Variants in ANGPTL3 observed in about 807,000 individuals in gnomAD.
The protein encoded by ANGPTL3 is angiopoietin like 3.
ANGPTL3 carries 51 observed loss-of-function variants against 52.7 expected under a neutral mutation model. That is an observed-to-expected ratio of 0.97 (90% confidence interval 0.77 to 1.22). The LOEUF is 1.22. Among genes scored for constraint, ANGPTL3 ranks in the 50% most tolerant of loss-of-function variants. ANGPTL3 has a pLI of 0.00. For missense variants in ANGPTL3, 506 were observed against 520.7 expected (o/e 0.97, Z 0.27); for synonymous variants, 185 against 179.8 (o/e 1.03, Z -0.23).
chr1:62,601,911 T>C (rs751008551), intron 4 of ANGPTL3, 29 bp downstream of exon 4: 104 of 1,419,692 alleles, frequency 7.3e-5, no homozygotes, highest in Non-Finnish European at 9.6e-5. Flanking sequence ...GAATAGACAG[T>C]AGTTAGTTCA....
chr1:62,598,113 T>C (rs558636010), intron 1 of ANGPTL3, 52 bp downstream of exon 1: 297 of 1,470,800 alleles, frequency 2.0e-4, no homozygotes, highest in Non-Finnish European at 2.6e-4. Flanking sequence ...GTGGATCTTT[T>C]AAAAAAAATA....
chr1:62,599,880 T>C (rs1450259551), intron 2 of ANGPTL3, among the ~76,000 whole-genome samples: 2 of 151,982 alleles, frequency 1.3e-5, no homozygotes, highest in Non-Finnish European at 2.9e-5. Context: ...TATTCTAATA[T>C]GCAGTACAAT....
intron 5 of ANGPTL3, 104 bp downstream of exon 5, chr1:62,602,484 G>A: frequency 1.1e-6 from 1 of 945,258 alleles, no homozygotes; most frequent in Non-Finnish European, 1.7e-6. Flanking sequence ...CGAACGAGAA[G>A]CAGTCTCAGC....
At position 62,604,239 on chromosome 1, in the gene ANGPTL3, T is replaced by C; in HGVS notation, c.1198+4T>C. 1 of 1,612,964 alleles carries C rather than the reference T, an allele frequency of 6.2e-7. No homozygotes were observed. The highest frequency in any genetic ancestry group is 1.1e-5 in the South Asian group (1 of 91,036). ...AACTGTCCAGAGGGTTATTCAGGTA[T>C]CTTTTTCTGATACCAATACTTTATT... On this transcript the variant is annotated splice_donor_region_variant and intron_variant, in intron 6 of 6. Transcript: ENST00000371129.
In ANGPTL3 at chr1:62,602,300, T is replaced by C. The variant is rs1380835664; in HGVS notation, c.851T>C (p.Leu284Ser). 6 of 1,609,704 alleles carry C rather than the reference T, an allele frequency of 3.7e-6. No individual in the cohort carries two copies. Among genetic ancestry groups the C allele is most frequent in the Non-Finnish European group, 4.2e-6 (5 of 1,176,896 alleles). The change falls in exon 5 of 7, where the codon TTA becomes TCA. Residue 284 changes from leucine (L) to serine (S), a missense_variant. Coordinates refer to ENST00000371129, the MANE Select transcript of ANGPTL3 (RefSeq NM_014495.4). ...TTATATTCAGGTAGTCCATGGACAT[T>C]AATTCAACATCGAATAGATGGATCA... ...CDVISGSPWT[L>S]IQHRIDGSQN...
In ANGPTL3 at chr1:62,598,741, A is replaced by G. The variant is rs1571708442; in HGVS notation, c.541A>G (p.Thr181Ala). 1 of 1,611,602 alleles carries G rather than the reference A, an allele frequency of 6.2e-7. No individual in the cohort carries two copies. Among genetic ancestry groups the G allele is most frequent in the South Asian group, 1.1e-5 (1 of 91,024 alleles). Residue 181 changes from threonine (T) to alanine (A), a missense_variant, in exon 2 of 7, where the codon ACC (threonine) becomes GCC (alanine). Coordinates refer to ENST00000371129, the MANE Select transcript of ANGPTL3 (RefSeq NM_014495.4). ...TAATAGCATCAAAGACCTTCTCCAGACCGTGGAAGACCAATATAAACAATT... is the reference window on the plus strand; with the variant it reads ...TAATAGCATCAAAGACCTTCTCCAGGCCGTGGAAGACCAATATAAACAATT... ...QDNSIKDLLQ[T>A]VEDQYKQLNQ...
Position 62,598,752 on chromosome 1 carries a change from C to T in ANGPTL3, c.552C>T (p.Asp184=), listed in dbSNP as rs756791560. The change falls in exon 2 of 7, where the codon GAC becomes GAT. Residue 184 remains aspartate, a synonymous_variant. Transcript: ENST00000371129. ...SIKDLLQTVE[D]QYKQLNQQHS... ...AAGACCTTCTCCAGACCGTGGAAGACCAATATAAACAATTAAACCAACAGC... is the reference window on the plus strand; with the variant it reads ...AAGACCTTCTCCAGACCGTGGAAGATCAATATAAACAATTAAACCAACAGC... 5.6e-6 allele frequency: 9 copies of T among 1,611,092 alleles called. No homozygotes were observed. The South Asian group carries it at 7.7e-5, about 14-fold the overall frequency.
chr1:62,605,741 T>G lies in ANGPTL3; in HGVS notation c.*924T>G, dbSNP rs771277525. On this transcript the variant is annotated 3_prime_UTR_variant, in exon 7 of 7. Transcript: ENST00000371129. ...GAACGTTTAAACAGCCTGACAAGCATGTATATATGTTTAAAATTCAATAAA... is the reference window on the plus strand; with the variant it reads ...GAACGTTTAAACAGCCTGACAAGCAGGTATATATGTTTAAAATTCAATAAA... 6.6e-6 allele frequency: 1 copy of G among 152,366 alleles called. No individual in the cohort carries two copies. The highest frequency in any genetic ancestry group is 1.5e-5 in the Non-Finnish European group (1 of 67,902). 9.4% of individuals were successfully genotyped at this position (152,366 alleles called of 1,614,324 possible).
Position 62,606,160 on chromosome 1 carries a change from T to C in ANGPTL3, c.*1343T>C, listed in dbSNP as rs989287290. ...TAATAAAGGTAAAAATAATCTATAA[T>C]TTTCAGGACCACAGACTAAGCTGTC... On this transcript the variant is annotated 3_prime_UTR_variant, in exon 7 of 7. Transcript: ENST00000371129. 1 of 152,038 alleles carries C rather than the reference T, an allele frequency of 6.6e-6. No individual in the cohort carries two copies. Among genetic ancestry groups the C allele is most frequent in the African/African-American group, 2.4e-5 (1 of 41,432 alleles). The allele number at this position is 152,038 out of a possible 1,614,324, so 9.4% of individuals were successfully genotyped here.
intron 1 of ANGPTL3, 59 bp downstream of exon 1, chr1:62,598,120 A>T (rs961952858): frequency 1.2e-5 from 18 of 1,460,334 alleles, no homozygotes; most frequent in East Asian, 2.4e-5. Flanking sequence ...TTTTAAAAAA[A>T]ATATTTCTAA....
At chr1:62,599,958 CAG>C (rs1381110119) in intron 2 of ANGPTL3, among the ~76,000 whole-genome samples, 5 of 151,890 alleles carry the variant, frequency 3.3e-5, no homozygotes, top group African/African-American at 9.7e-5. Flanking sequence ...AATATAAACT[CAG>C]AGAAACTGGT....
intron 5 of ANGPTL3, among the ~76,000 whole-genome samples, chr1:62,603,322 TATAA>T (rs1650432099): frequency 6.6e-6 from 1 of 151,810 alleles, no homozygotes; most frequent in South Asian, 2.1e-4. Context: ...AACAGTATTT[TATAA>T]ATACTTTAAT....
At chr1:62,602,466 A>T in intron 5 of ANGPTL3, 86 bp downstream of exon 5, 1 of 1,184,408 alleles carries the variant, frequency 8.4e-7, no homozygotes. Context: ...TATTAGGAAA[A>T]GTAGTAACGA....
rs745780261 is a variant in ANGPTL3 at position 62,605,003 on chromosome 1, T to G, written c.*186T>G. The G allele has an allele frequency of 3.6e-4, 219 of 600,072 alleles. No individual in the cohort carries two copies. The highest frequency in any genetic ancestry group is 4.9e-4 in the Non-Finnish European group (172 of 352,386). 37.2% of individuals were successfully genotyped at this position (600,072 alleles called of 1,614,324 possible). ...CCTTAAAGAATACCGTTTACATTTC[T>G]CAATCAAAATTCTTATAATACTATT... On this transcript the variant is annotated 3_prime_UTR_variant, in exon 7 of 7. Transcript: ENST00000371129.
rs1356877257 is a variant in ANGPTL3, at chr1:62,597,751, A to G, written c.185A>G (p.His62Arg). ...GGACATGGTCTTAAAGACTTTGTCC[A>G]TAAGACGAAGGGCCAAATTAATGAC... Reference protein sequence around the residue: ...QLGHGLKDFVHKTKGQINDIF... With the variant: ...QLGHGLKDFVRKTKGQINDIF... Residue 62 changes from histidine to arginine, a missense_variant, in exon 1 of 7, where the codon CAT becomes CGT. Physicochemically the swap from His to Arg is conservative, Grantham distance 29. Transcript: ENST00000371129. 8 of 1,613,598 alleles carry G rather than the reference A, an allele frequency of 5.0e-6. No homozygotes were observed. The highest frequency in any genetic ancestry group is 4.5e-5 in the East Asian group (2 of 44,834).
In ANGPTL3 at chr1:62,604,195, C is replaced by T. The variant is rs1259552648; in HGVS notation, c.1158C>T (p.His386=). ...ATTTGGTGTTTTCTACTTGGGATCACAAAGCAAAAGGACACTTCAACTGTC... is the reference window on the plus strand; with the variant it reads ...ATTTGGTGTTTTCTACTTGGGATCATAAAGCAAAAGGACACTTCAACTGTC... ...NKDLVFSTWD[H]KAKGHFNCPE... Residue 386 remains histidine (H), a synonymous_variant, in exon 6 of 7, where the codon CAC becomes CAT. Transcript: ENST00000371129. The T allele has an allele frequency of 6.2e-7, 1 of 1,613,154 alleles. No individual in the cohort carries two copies. The highest frequency in any genetic ancestry group is 1.7e-5 in the Admixed American group (1 of 59,918).
At chr1:62,601,699 T>A in intron 3 of ANGPTL3, 70 bp from the exon 4 acceptor site, 2 of 1,106,790 alleles carry the variant, frequency 1.8e-6, no homozygotes, top group Non-Finnish European at 1.4e-6. Context: ...AAATGTCAAG[T>A]GAAATCTCAA....
intron 5 of ANGPTL3, 77 bp downstream of exon 5, chr1:62,602,457 A>G: frequency 6.1e-6 from 8 of 1,313,932 alleles, no homozygotes; most frequent in Admixed American, 1.7e-5. Context: ...TGGACCAGGT[A>G]TTAGGAAAAG....
chr1:62,602,009 T>C (rs1447097255), intron 4 of ANGPTL3, 127 bp downstream of exon 4: 4 of 627,312 alleles, frequency 6.4e-6, no homozygotes, highest in South Asian at 4.1e-5. Context: ...TTCGTATAAA[T>C]ATAATACTTT....
Sources: allele counts gnomAD v4.1 joint callset (sites outside exome capture counted in the v4.1 genomes callset), GRCh38; gene constraint gnomAD v4.1.1; transcripts MANE v1.5; gene names NCBI Gene and HGNC (gene_info 2026-07-23, HGNC 2026-07-21).